The following UFM1 variants were observed in gnomAD, a reference collection of about 807,000 sequenced individuals.
UFM1 encodes the protein ubiquitin-fold modifier 1.
UFM1 carries 9 observed loss-of-function variants against 15.4 expected under a neutral mutation model. That is an observed-to-expected ratio of 0.59 (90% CI 0.35 to 1.02). The LOEUF is 1.02. Among genes scored for constraint, UFM1 ranks in the 50% least tolerant of loss-of-function variants. The pLI is 0.02. For missense variants in UFM1, 98 were observed against 104.7 expected (o/e 0.94, Z 0.28); for synonymous variants, 27 against 36.3 (o/e 0.74, Z 0.92).
In UFM1 at chr13:38,363,294, G is replaced by C. The variant is rs1879507721; in HGVS notation, c.*2516G>C. 6.6e-6 allele frequency: 1 copy of C among 152,108 alleles called. No homozygotes were observed. The highest frequency in any genetic ancestry group is 6.6e-5 in the Admixed American group (1 of 15,264). 9.4% of individuals were successfully genotyped at this position (152,108 alleles called of 1,614,324 possible). ...TTTACAGTATTAGGTACAGTAACATGCTCTACAGGTTTGTAGCCTAGGAGC... is the reference window on the plus strand; with the variant it reads ...TTTACAGTATTAGGTACAGTAACATCCTCTACAGGTTTGTAGCCTAGGAGC... On this transcript the variant is annotated 3_prime_UTR_variant, in exon 6 of 6. Transcript: ENST00000239878.
chr13:38,358,301 C>T (rs1293025692), intron 4 of UFM1, among the ~76,000 whole-genome samples, 169 bp downstream of exon 4: 1 of 151,560 alleles, frequency 6.6e-6, no homozygotes, highest in African/African-American at 2.4e-5. Flanking sequence ...TAATTAGCTC[C>T]TTTCATTTCT....
At chr13:38,357,566 C>T (rs996249864) in intron 3 of UFM1, among the ~76,000 whole-genome samples, 4 of 150,922 alleles carry the variant, frequency 2.7e-5, no homozygotes, top group African/African-American at 4.8e-5. Context: ...CCTTGAATAA[C>T]GTGGGAGTTA....
At chr13:38,351,140 T>C (rs2140049746) in intron 2 of UFM1, among the ~76,000 whole-genome samples, 1 of 152,330 alleles carries the variant, frequency 6.6e-6, no homozygotes, top group Non-Finnish European at 1.5e-5. Flanking sequence ...TAAGAGTCCA[T>C]TGGTCCACCT....
Position 38,361,754 on chromosome 13 carries a change from G to A in UFM1, c.*976G>A, listed in dbSNP as rs1230731732. On this transcript the variant is annotated 3_prime_UTR_variant, in exon 6 of 6. Transcript: ENST00000239878. ...AAGATGGGGAAGCCCAGATCACCAG[G>A]CTTCTATTAAGGAGGAAAGCAACAG... 1 of 152,298 alleles carries A rather than the reference G, an allele frequency of 6.6e-6. No individual in the cohort carries two copies. Among genetic ancestry groups the A allele is most frequent in the Non-Finnish European group, 1.5e-5 (1 of 68,100 alleles). 9.4% of individuals were successfully genotyped at this position (152,298 alleles called of 1,614,324 possible).
At chr13:38,350,784 T>G (rs1485808322) in intron 2 of UFM1, among the ~76,000 whole-genome samples, 1 of 152,202 alleles carries the variant, frequency 6.6e-6, no homozygotes, top group Non-Finnish European at 1.5e-5. Context: ...TTTGCATAAT[T>G]AATTAGTACC....
chr13:38,361,039 A>C lies in UFM1; in HGVS notation c.*261A>C, dbSNP rs1879357043. The C allele has an allele frequency of 3.3e-6, 1 of 306,900 alleles. No individual in the cohort carries two copies. Among genetic ancestry groups the C allele is most frequent in the East Asian group, 5.4e-5 (1 of 18,604 alleles). 19.0% of individuals were successfully genotyped at this position (306,900 alleles called of 1,614,324 possible). A position where few individuals can be genotyped will look rare whatever the true frequency, so the allele number is the denominator to read the frequency against. On this transcript the variant is annotated 3_prime_UTR_variant, in exon 6 of 6. Coordinates refer to ENST00000239878, the MANE Select transcript of UFM1 (RefSeq NM_016617.4). ...CACAAACAGGTAGTTCGTTGGGGGC[A>C]AATGAATTAGCCAACTGTTAACTGG...
Position 38,349,874 on chromosome 13 carries a change from A to T in UFM1, c.-46A>T. 1 of 1,613,988 alleles carries T rather than the reference A, an allele frequency of 6.2e-7. No individual in the cohort carries two copies. Among genetic ancestry groups the T allele is most frequent in the Non-Finnish European group, 8.5e-7 (1 of 1,180,018 alleles). ...CCAGCACACTAGAGGAAGTCGTGCT[A>T]CCCCCGCGGAGTTGTCGTGTGTTCT... On this transcript the variant is annotated 5_prime_UTR_variant, in exon 1 of 6. Transcript: ENST00000239878.
rs1879432823 is a variant in UFM1, at chr13:38,362,158, T to A, written c.*1380T>A. 1 of 152,214 alleles carries A rather than the reference T, an allele frequency of 6.6e-6. No homozygotes were observed. The highest frequency in any genetic ancestry group is 2.4e-5 in the African/African-American group (1 of 41,460). 9.4% of individuals were successfully genotyped at this position (152,214 alleles called of 1,614,324 possible). ...TGGAAGCAGGGATTGTGTCTGGCTCTTTTTAGAGCTGGAAATGTAGTGGCT... is the reference window on the plus strand; with the variant it reads ...TGGAAGCAGGGATTGTGTCTGGCTCATTTTAGAGCTGGAAATGTAGTGGCT... On this transcript the variant is annotated 3_prime_UTR_variant, in exon 6 of 6. Transcript: ENST00000239878.
chr13:38,358,261 T>C (rs1879212692), intron 4 of UFM1, 129 bp downstream of exon 4: 2 of 452,786 alleles, frequency 4.4e-6, no homozygotes, highest in Non-Finnish European at 7.6e-6. Context: ...ATATACTTAC[T>C]GGTAAACACT....
chr13:38,353,967 A>AT (rs1878974438), intron 2 of UFM1, among the ~76,000 whole-genome samples: 1 of 152,040 alleles, frequency 6.6e-6, no homozygotes, highest in South Asian at 2.1e-4. Flanking sequence ...CATGTATGAA[A>AT]GTGTTAGAAA....
In UFM1 at chr13:38,360,926, G is replaced by A. The variant is rs1436512416; in HGVS notation, c.*148G>A. 2 of 602,008 alleles carry A rather than the reference G, an allele frequency of 3.3e-6. No homozygotes were observed. Among genetic ancestry groups the A allele is most frequent in the African/African-American group, 3.7e-5 (2 of 53,342 alleles). 37.3% of individuals were successfully genotyped at this position (602,008 alleles called of 1,614,324 possible). A position where few individuals can be genotyped will look rare whatever the true frequency, so the allele number is the denominator to read the frequency against. ...GGTGACTCATCTGTCCCTTTTTGTT[G>A]TCCATACTCTTCCTATGAAGAGGGA... On this transcript the variant is annotated 3_prime_UTR_variant, in exon 6 of 6. Coordinates refer to ENST00000239878, the MANE Select transcript of UFM1 (RefSeq NM_016617.4).
rs1414363822 is a variant in UFM1, at chr13:38,363,586, C to G, written c.*2808C>G. The G allele has an allele frequency of 6.6e-6, 1 of 151,734 alleles. No homozygotes were observed. Among genetic ancestry groups the G allele is most frequent in the Non-Finnish European group, 1.5e-5 (1 of 67,988 alleles). 9.4% of individuals were successfully genotyped at this position (151,734 alleles called of 1,614,324 possible). A position where few individuals can be genotyped will look rare whatever the true frequency, so the allele number is the denominator to read the frequency against. ...CAAACCTGGGTGATAACAGAGTCGC[C>G]TAGGAAATTAAAAATACAGATTTTT... On this transcript the variant is annotated 3_prime_UTR_variant, in exon 6 of 6. Coordinates refer to ENST00000239878, the MANE Select transcript of UFM1 (RefSeq NM_016617.4).
At chr13:38,353,859 T>C (rs1878970267) in intron 2 of UFM1, among the ~76,000 whole-genome samples, 1 of 152,092 alleles carries the variant, frequency 6.6e-6, no homozygotes, top group Admixed American at 6.5e-5. Flanking sequence ...AGTGCATAGA[T>C]ATTTAGATGG....
chr13:38,350,115 A>G (rs1396062932), intron 2 of UFM1, 60 bp downstream of exon 2: 5 of 1,613,964 alleles, frequency 3.1e-6, no homozygotes, highest in East Asian at 2.2e-5. Context: ...TGGGTTGGGG[A>G]TGATCCGAGC....
chr13:38,352,851 A>C (rs1478343484), intron 2 of UFM1, among the ~76,000 whole-genome samples: 1 of 152,200 alleles, frequency 6.6e-6, no homozygotes, highest in South Asian at 2.1e-4. Flanking sequence ...TTAAAAGTGA[A>C]TTGAACTCCA....
chr13:38,358,167 A>G (rs1424961220), intron 4 of UFM1, 35 bp downstream of exon 4: 4 of 1,313,760 alleles, frequency 3.0e-6, no homozygotes, highest in African/African-American at 3.1e-5. Flanking sequence ...TATTACCTCA[A>G]ATTTATAGAA....
At chr13:38,356,988 A>C (rs1335758820) in intron 3 of UFM1, among the ~76,000 whole-genome samples, 4 of 151,906 alleles carry the variant, frequency 2.6e-5, no homozygotes, top group African/African-American at 9.7e-5. Flanking sequence ...GCTACCAATA[A>C]ATTCCATACC....
intron 5 of UFM1, chr13:38,360,080 A>T: frequency 2.6e-6 from 1 of 387,232 alleles, no homozygotes; most frequent in Non-Finnish European, 5.2e-6. Context: ...AAATGAAGTG[A>T]TTTAAAATTG....
intron 2 of UFM1, 106 bp from the exon 3 acceptor site, chr13:38,354,133 A>G (rs545053518): frequency 1.2e-5 from 11 of 938,668 alleles, no homozygotes; most frequent in Admixed American, 7.5e-5. Context: ...TGAAACTGAA[A>G]AGACAGCTTT....
Sources: gnomAD v4.1 joint callset for allele counts (sites outside exome capture counted in the v4.1 genomes callset) on GRCh38, gnomAD v4.1.1 for gene constraint, MANE v1.5 for transcripts, NCBI Gene and HGNC (gene_info 2026-07-23, HGNC 2026-07-21) for gene names.